The following ADORA2B variants were observed in gnomAD, a reference collection of about 807,000 sequenced individuals.
The protein encoded by ADORA2B is adenosine receptor A2b.
In ADORA2B, 18 loss-of-function variants were observed where a neutral mutation model predicts 20.8. The ratio of observed to expected loss-of-function variants is 0.87; its 90% CI spans 0.60 to 1.29. The LOEUF is 1.29. Among genes scored for constraint, ADORA2B ranks in the 50% most tolerant of loss-of-function variants. The pLI is 0.00. For synonymous variants in ADORA2B, 179 were observed against 178.3 expected, an observed-to-expected ratio of 1.00 and a Z score of -0.03; for missense variants, 441 against 422.7, an observed-to-expected ratio of 1.04 and a Z score of -0.38.
At chr17:15,912,384 T>TA in the ADORA2B span, among the ~76,000 whole-genome samples, 46,817 of 148,312 alleles carry the variant, frequency 0.32, 7,776 homozygotes, top group African/African-American at 0.43. Flanking sequence ...TGTATCAAAT[T>TA]AAAAAAAAAA....
the ADORA2B span, among the ~76,000 whole-genome samples, chr17:15,915,530 G>A: frequency 2.6e-5 from 4 of 152,074 alleles, no homozygotes; most frequent in Non-Finnish European, 5.9e-5. Context: ...GTATTTTCTA[G>A]TTATAGTTAC....
the ADORA2B span, among the ~76,000 whole-genome samples, chr17:15,861,243 G>C: frequency 6.6e-6 from 1 of 152,228 alleles, no homozygotes; most frequent in Non-Finnish European, 1.5e-5. Flanking sequence ...GTACTTGAGA[G>C]TTGTTAGTTG....
rs73274394 is a variant in ADORA2B, at chr17:15,945,597, C to T, written c.335+14C>T. The stretch of plus-strand genomic sequence containing the variant: ...TGTCCCGCTCAGGTGAGGCGCTCGG[C>T]GTCGCCCGAACTCGGGGCCCCGTCG... On this transcript the variant is annotated intron_variant, in intron 1 of 1. Coordinates refer to ENST00000304222, the MANE Select transcript of ADORA2B (RefSeq NM_000676.4). The T allele has an allele frequency of 5.7e-3, 8,319 of 1,458,578 alleles. 389 individuals carry two copies. In the African/African-American group the frequency reaches 0.1, roughly 18 times the overall value. The allele number at this position is 1,458,578 out of a possible 1,614,324, so 90.4% of individuals were successfully genotyped here. A position where few individuals can be genotyped will look rare whatever the true frequency, so the allele number is the denominator to read the frequency against.
At chr17:15,863,093 C>T in the ADORA2B span, among the ~76,000 whole-genome samples, 117 of 151,902 alleles carry the variant, frequency 7.7e-4, no homozygotes, top group African/African-American at 2.6e-3. Context: ...TTTATGTGCG[C>T]GAGATTTAAA....
At chr17:15,947,008 T>A (rs1283433132) in intron 1 of ADORA2B, among the ~76,000 whole-genome samples, 2 of 152,146 alleles carry the variant, frequency 1.3e-5, no homozygotes, top group Non-Finnish European at 2.9e-5. Context: ...GCAGGTTGTT[T>A]CGTGGGTCCC....
the ADORA2B span, among the ~76,000 whole-genome samples, chr17:15,904,751 G>A: frequency 6.6e-6 from 1 of 152,036 alleles, no homozygotes; most frequent in Non-Finnish European, 1.5e-5. Context: ...ATAAAGTATC[G>A]GTTTTGGGTT....
chr17:15,888,846 A>G, the ADORA2B span, among the ~76,000 whole-genome samples: 2 of 16,230 alleles, frequency 1.2e-4, no homozygotes, highest in Admixed American at 1.0e-3. Context: ...ATATATATAT[A>G]TATATTTTTT....
the ADORA2B span, among the ~76,000 whole-genome samples, chr17:15,878,432 C>CAT: frequency 2.6e-5 from 4 of 152,186 alleles, no homozygotes; most frequent in African/African-American, 9.7e-5. Flanking sequence ...TGCGGCACAA[C>CAT]ATCCTGGGTC....
At chr17:15,925,622 A>T in the ADORA2B span, among the ~76,000 whole-genome samples, 1 of 152,198 alleles carries the variant, frequency 6.6e-6, no homozygotes, top group African/African-American at 2.4e-5. Flanking sequence ...ATTTCTGTGC[A>T]GTTAGTACTA....
At chr17:15,948,504 G>A (rs1000734133) in intron 1 of ADORA2B, among the ~76,000 whole-genome samples, 10 of 151,778 alleles carry the variant, frequency 6.6e-5, no homozygotes, top group African/African-American at 1.9e-4. Flanking sequence ...CATGCCCAAA[G>A]CTGCTCCCAG....
At chr17:15,928,213 G>T in the ADORA2B span, among the ~76,000 whole-genome samples, 68 of 152,184 alleles carry the variant, frequency 4.5e-4, 2 homozygotes, top group Admixed American at 4.5e-3. Context: ...TATGTTGCTG[G>T]TGGCTTTACA....
chr17:15,894,423 G>A, the ADORA2B span, among the ~76,000 whole-genome samples: 1 of 152,184 alleles, frequency 6.6e-6, no homozygotes, highest in East Asian at 1.9e-4. Context: ...CAGAGCCAGG[G>A]CGAAGGAGTA....
chr17:15,876,511 C>T, the ADORA2B span, among the ~76,000 whole-genome samples: 1 of 121,576 alleles, frequency 8.2e-6, no homozygotes, highest in Non-Finnish European at 1.7e-5. Context: ...TAATTCATGT[C>T]TTTATTTTCT....
the ADORA2B span, among the ~76,000 whole-genome samples, chr17:15,921,402 T>C: frequency 6.6e-6 from 1 of 152,202 alleles, no homozygotes; most frequent in South Asian, 2.1e-4. Flanking sequence ...ATGGTTGCTG[T>C]CATTATCTCC....
the ADORA2B span, among the ~76,000 whole-genome samples, chr17:15,939,077 G>A: frequency 2.6e-5 from 4 of 152,068 alleles, no homozygotes; most frequent in East Asian, 3.9e-4. Context: ...GTCTCTCACC[G>A]TTGCCCAGGC....
chr17:15,902,233 G>A, the ADORA2B span, among the ~76,000 whole-genome samples: 1 of 147,790 alleles, frequency 6.8e-6, no homozygotes, highest in Non-Finnish European at 1.5e-5. Context: ...TTTTTTTTGA[G>A]ACAGTCTCGC....
At chr17:15,862,243 C>A in the ADORA2B span, among the ~76,000 whole-genome samples, 1 of 122,166 alleles carries the variant, frequency 8.2e-6, no homozygotes, top group Non-Finnish European at 1.6e-5. Flanking sequence ...TGAGACAGAT[C>A]CTCACTCTGT....
chr17:15,873,837 A>G, the ADORA2B span, among the ~76,000 whole-genome samples: 2 of 152,142 alleles, frequency 1.3e-5, no homozygotes, highest in African/African-American at 4.8e-5. Context: ...TAGTATGGCT[A>G]TTCCTTAAAG....
intron 1 of ADORA2B, among the ~76,000 whole-genome samples, chr17:15,949,293 A>G (rs1185111413): frequency 1.3e-5 from 2 of 152,154 alleles, no homozygotes; most frequent in African/African-American, 2.4e-5. Context: ...CGAATAGATC[A>G]GTTGAGGCTA....
Sources: gnomAD v4.1 joint callset for allele counts (sites outside exome capture counted in the v4.1 genomes callset) on GRCh38, gnomAD v4.1.1 for gene constraint, MANE v1.5 for transcripts, NCBI Gene and HGNC (gene_info 2026-07-23, HGNC 2026-07-21) for gene names.